The following CATSPERG variants were observed in gnomAD, a reference collection of about 807,000 sequenced individuals.
CATSPERG encodes cation channel sperm-associated auxiliary subunit gamma.
In CATSPERG, 115 loss-of-function variants were observed where a neutral mutation model predicts 145.0. That is an observed-to-expected ratio of 0.79 (90% CI 0.68 to 0.93). CATSPERG has a LOEUF of 0.93. Ranked by LOEUF, CATSPERG falls within the 40% of genes least tolerant of loss-of-function variation. The pLI, the probability that CATSPERG is intolerant of heterozygous loss-of-function variation, is 0.00. For missense variants in CATSPERG, 1,296 were observed against 1,490.1 expected, an observed-to-expected ratio of 0.87 and a Z score of 2.14; for synonymous variants, 588 against 589.0, an observed-to-expected ratio of 1.00 and a Z score of 0.02.
chr19:38,362,532 C>CTG lies in CATSPERG; in HGVS notation c.2316_2317dup (p.Ser773CysfsTer40), dbSNP rs1568381604. The stretch of plus-strand genomic sequence containing the variant: ...CACTGAGTACAGCTTCGCCATCTTC[C>CTG]TGTCGGCGCAGGGCCACTCGTTCCG... On this transcript the variant is annotated frameshift_variant, in exon 19 of 29. Transcript: ENST00000409235. LOFTEE classifies it high-confidence loss of function. 6.2e-7 allele frequency: 1 copy of CTG among 1,613,920 alleles called. No homozygotes were observed. The highest frequency in any genetic ancestry group is 2.2e-5 in the East Asian group (1 of 44,892).
At chr19:38,354,927 C>T in intron 9 of CATSPERG, 80 bp downstream of exon 9, 1 of 1,507,654 alleles carries the variant, frequency 6.6e-7, no homozygotes, top group Non-Finnish European at 9.0e-7. Flanking sequence ...CTTGGGCCCT[C>T]ACTCATTACC....
At chr19:38,367,988 G>A in intron 25 of CATSPERG, 60 bp from the exon 26 acceptor site, 1 of 1,492,196 alleles carries the variant, frequency 6.7e-7, no homozygotes. Context: ...TGACCACTGA[G>A]GTCATACCTC....
chr19:38,337,131 G>C (rs1969854080), intron 1 of CATSPERG, 90 bp from the exon 2 acceptor site: 3 of 1,456,558 alleles, frequency 2.1e-6, no homozygotes, highest in Non-Finnish European at 1.8e-6. Flanking sequence ...AGGAGCAAGT[G>C]CTGTGAGAGG....
intron 3 of CATSPERG, 64 bp downstream of exon 3, chr19:38,337,710 T>G: frequency 7.6e-7 from 1 of 1,315,762 alleles, no homozygotes; most frequent in South Asian, 1.4e-5. Flanking sequence ...TCTAACATTT[T>G]TATTTATTTA....
intron 25 of CATSPERG, 101 bp from the exon 26 acceptor site, chr19:38,367,947 C>G (rs374305250): frequency 9.2e-5 from 111 of 1,210,700 alleles, no homozygotes; most frequent in South Asian, 7.4e-4. Context: ...ACACCATGTC[C>G]CCTGCACCCA....
rs370881014 is a variant in CATSPERG, at chr19:38,352,336, A to G, written c.901A>G (p.Ile301Val). 225 of 1,547,348 alleles carry G rather than the reference A, an allele frequency of 1.5e-4. No homozygotes were observed. Among genetic ancestry groups the G allele is most frequent in the Non-Finnish European group, 8.0e-5 (92 of 1,145,688 alleles). Residue 301 changes from isoleucine to valine, a missense_variant, in exon 8 of 29, where the codon ATT (isoleucine) becomes GTT (valine). Ile to Val is a conservative substitution (Grantham distance 29). Transcript: ENST00000409235. The stretch of plus-strand genomic sequence containing the variant: ...CTTCACAGCCACCATCTATGACACT[A>G]TTGCCACCGAGAGCACCCTCTTCAT... ...SGFTATIYDT[I>V]ATESTLFIRQ...
chr19:38,356,748 C>A lies in CATSPERG; in HGVS notation c.1202C>A (p.Thr401Asn), dbSNP rs372118402. The change falls in exon 11 of 29, where the codon ACC becomes AAC. Residue 401 changes from threonine to asparagine, a missense_variant. Coordinates refer to ENST00000409235, the MANE Select transcript of CATSPERG (RefSeq NM_021185.5). ...CTGCCCCTTTCCCTCTCAGTTACCA[C>A]CTGCTCCATAATTTGGTCTGAATAC... ...WSVCEQIGVTTCSIIWSEYIA... is the reference protein window; with the variant it reads ...WSVCEQIGVTNCSIIWSEYIA... 6.2e-7 allele frequency: 1 copy of A among 1,614,096 alleles called. No individual in the cohort carries two copies. Among genetic ancestry groups the A allele is most frequent in the South Asian group, 1.1e-5 (1 of 91,076 alleles).
intron 26 of CATSPERG, among the ~76,000 whole-genome samples, chr19:38,368,933 G>A (rs567893338): frequency 3.3e-5 from 5 of 152,296 alleles, no homozygotes; most frequent in African/African-American, 1.2e-4. Flanking sequence ...AAAGTACTGG[G>A]ATTACAGGCA....
In CATSPERG at chr19:38,369,964, G is replaced by A; in HGVS notation, c.3021-8G>A. 6.2e-7 allele frequency: 1 copy of A among 1,613,938 alleles called. No homozygotes were observed. The highest frequency in any genetic ancestry group is 8.5e-7 in the Non-Finnish European group (1 of 1,179,756). On this transcript the variant is annotated splice_region_variant and splice_polypyrimidine_tract_variant and intron_variant, in intron 26 of 28. Coordinates refer to ENST00000409235, the MANE Select transcript of CATSPERG (RefSeq NM_021185.5). Reference sequence around the variant, plus strand: ...TGGTAGCACAACTGCCTGATCTTTGGCTTGCAGGTGGCTCTGTCTGGAGAA... The same window carrying A: ...TGGTAGCACAACTGCCTGATCTTTGACTTGCAGGTGGCTCTGTCTGGAGAA...
At chr19:38,361,451 C>T (rs1970342693) in intron 16 of CATSPERG, among the ~76,000 whole-genome samples, 197 bp from the exon 17 acceptor site, 1 of 151,836 alleles carries the variant, frequency 6.6e-6, no homozygotes, top group Admixed American at 6.6e-5. Context: ...AGGGAGGACT[C>T]TGGTCTCAGG....
intron 20 of CATSPERG, among the ~76,000 whole-genome samples, chr19:38,364,380 GCACTC>G (rs1970410909): frequency 6.6e-6 from 1 of 150,808 alleles, no homozygotes; most frequent in Non-Finnish European, 1.5e-5. Context: ...CGGGGCAGAG[GCACTC>G]CCCACATCTC....
rs750017701 is a variant in CATSPERG at position 38,364,982 on chromosome 19, A to C, written c.2556+11A>C. The C allele has an allele frequency of 1.9e-6, 3 of 1,613,890 alleles. No individual in the cohort carries two copies. In the South Asian group the frequency reaches 3.3e-5, roughly 18 times the overall value. On this transcript the variant is annotated intron_variant, in intron 21 of 28. Transcript: ENST00000409235. ...TCCATGACGGTCAATGTGAGGTCCAAGCCTGGAGGGGAGGGTGCAGGATGG... is the reference window on the plus strand; with the variant it reads ...TCCATGACGGTCAATGTGAGGTCCACGCCTGGAGGGGAGGGTGCAGGATGG...
Position 38,343,597 on chromosome 19 carries a change from G to A in CATSPERG, c.342G>A (p.Val114=). The A allele has an allele frequency of 6.4e-7, 1 of 1,550,394 alleles. No individual in the cohort carries two copies. Among genetic ancestry groups the A allele is most frequent in the South Asian group, 1.2e-5 (1 of 83,986 alleles). ...ACCCTCAGCCCTCTGAGGACCTGGT[G>A]CGCATGGGCCACCTGACGGGGCTAA... ...SCEEKPSEDL[V]RMGHLTGLKP... is the part of the protein sequence containing the mutation. Residue 114 remains valine (V), a synonymous_variant, in exon 4 of 29, where the codon GTG becomes GTA. Coordinates refer to ENST00000409235, the MANE Select transcript of CATSPERG (RefSeq NM_021185.5).
At chr19:38,343,144 A>G (rs766988989) in intron 3 of CATSPERG, among the ~76,000 whole-genome samples, 2 of 152,096 alleles carry the variant, frequency 1.3e-5, no homozygotes, top group Non-Finnish European at 1.5e-5. Flanking sequence ...CAGGAGTTCA[A>G]GACCAGCCTG....
chr19:38,343,042 C>A (rs1304394640), intron 3 of CATSPERG, among the ~76,000 whole-genome samples: 1 of 152,126 alleles, frequency 6.6e-6, no homozygotes, highest in Non-Finnish European at 1.5e-5. Flanking sequence ...GGTGGAAGCC[C>A]ACCTCAAGAG....
intron 20 of CATSPERG, among the ~76,000 whole-genome samples, chr19:38,363,729 C>T (rs1970394712): frequency 6.6e-6 from 1 of 151,988 alleles, no homozygotes; most frequent in Admixed American, 6.5e-5. Flanking sequence ...GCCCTTAATC[C>T]ATTTAACCCT....
chr19:38,360,653 C>A lies in CATSPERG; in HGVS notation c.1767+6C>A. 6.2e-7 allele frequency: 1 copy of A among 1,614,180 alleles called. No homozygotes were observed. The highest frequency in any genetic ancestry group is 8.5e-7 in the Non-Finnish European group (1 of 1,180,010). ...AAGACAGCAAACTGTACCAGGTGCC[C>A]GGTGGAGCTATGCGGGGACATCGGG... On this transcript the variant is annotated splice_donor_region_variant and intron_variant, in intron 15 of 28. Transcript: ENST00000409235.
rs766836755 is a variant in CATSPERG, at chr19:38,370,816, A to C, written c.*24A>C. The C allele has an allele frequency of 5.0e-6, 8 of 1,607,720 alleles. No individual in the cohort carries two copies. The highest frequency in any genetic ancestry group is 6.8e-6 in the Non-Finnish European group (8 of 1,175,620). ...GAGTGTCCCACCTGCCCCAGCCCCC[A>C]GTTACTGTCACGCCTCTCTTATGAG... is the stretch of plus-strand genomic sequence containing the variant. On this transcript the variant is annotated 3_prime_UTR_variant, in exon 29 of 29. Transcript: ENST00000409235.
chr19:38,360,540 A>G lies in CATSPERG; in HGVS notation c.1660A>G (p.Lys554Glu). ...CCGGGTCTACCAGCTGTTCCCTTCCAAGGGCTGGCAGGTGCACATCAGCTT... is the reference window on the plus strand; with the variant it reads ...CCGGGTCTACCAGCTGTTCCCTTCCGAGGGCTGGCAGGTGCACATCAGCTT... ...SYRVYQLFPSKGWQVHISLKL... is the reference protein window; with the variant it reads ...SYRVYQLFPSEGWQVHISLKL... Residue 554 changes from lysine (K) to glutamate (E), a missense_variant, in exon 15 of 29, where the codon AAG becomes GAG. By Grantham distance (56) the Lys-to-Glu change is moderately conservative (BLOSUM62 1). Coordinates refer to ENST00000409235, the MANE Select transcript of CATSPERG (RefSeq NM_021185.5). The G allele has an allele frequency of 6.2e-7, 1 of 1,614,152 alleles. No homozygotes were observed.
Sources: gnomAD v4.1 joint callset for allele counts (sites outside exome capture counted in the v4.1 genomes callset) on GRCh38, gnomAD v4.1.1 for gene constraint, MANE v1.5 for transcripts, NCBI Gene and HGNC (gene_info 2026-07-23, HGNC 2026-07-21) for gene names.